The following OSBPL8 variants were observed in gnomAD, a reference collection of about 807,000 sequenced individuals.
OSBPL8 encodes oxysterol binding protein like 8.
A neutral mutation model predicts 125.5 loss-of-function variants in OSBPL8; 59 were observed. That is an observed-to-expected ratio of 0.47 (90% CI 0.38 to 0.58). The LOEUF (loss-of-function observed/expected upper bound fraction) is 0.58, where lower values mean the gene tolerates loss of function less well. Ranked by LOEUF, OSBPL8 falls within the 20% of genes least tolerant of loss-of-function variation. The pLI, the probability that OSBPL8 is intolerant of heterozygous loss-of-function variation, is 0.00. For missense variants in OSBPL8, 758 were observed against 1,047.8 expected, an observed-to-expected ratio of 0.72 and a Z score of 3.82; for synonymous variants, 330 against 338.9, an observed-to-expected ratio of 0.97 and a Z score of 0.29.
At chr12:76,358,089 A>G (rs1164162391) in intron 22 of OSBPL8, among the ~76,000 whole-genome samples, 1 of 151,994 alleles carries the variant, frequency 6.6e-6, no homozygotes, top group East Asian at 1.9e-4. Context: ...AGCTCAAAAA[A>G]TGCTTCTGAA....
chr12:76,415,498 T>TTGGCCCTTA (rs1868530010), intron 4 of OSBPL8, among the ~76,000 whole-genome samples: 1 of 152,226 alleles, frequency 6.6e-6, no homozygotes, highest in Admixed American at 6.5e-5. Flanking sequence ...TCCACCCGCC[T>TTGGCCCTTA]TGGCCTCCTA....
chr12:76,373,442 C>A lies in OSBPL8; in HGVS notation c.1828-9G>T. ...CTACTCCCTAGGAATGGCTTTTAAA[C>A]GAGAAAATGTTAAACATTTTACTTT... On this transcript the variant is annotated splice_polypyrimidine_tract_variant and intron_variant, in intron 17 of 23. Coordinates refer to ENST00000261183, the MANE Select transcript of OSBPL8 (RefSeq NM_020841.5). 6.4e-7 allele frequency: 1 copy of A among 1,556,234 alleles called. No homozygotes were observed. The highest frequency in any genetic ancestry group is 8.8e-7 in the Non-Finnish European group (1 of 1,139,244).
Position 76,369,814 on chromosome 12 carries a change from T to C in OSBPL8, c.2063A>G (p.Gln688Arg). Residue 688 changes from glutamine to arginine, a missense_variant, in exon 20 of 24, where the codon CAA becomes CGA. This residue lies in a region of OSBPL8 where 572 missense variants were observed against 762.0 expected (regional missense o/e 0.75). Transcript: ENST00000261183. ...GGCATTTATGGCTCGAGTTACCCGTTGCCAGAGTCTAATACATGTGCGAAA... is the reference window on the plus strand; with the variant it reads ...GGCATTTATGGCTCGAGTTACCCGTCGCCAGAGTCTAATACATGTGCGAAA... ...QGDFESEKLW[Q>R]RVTRAINAKD... 1 of 1,612,596 alleles carries C rather than the reference T, an allele frequency of 6.2e-7. No homozygotes were observed. Among genetic ancestry groups the C allele is most frequent in the Non-Finnish European group, 8.5e-7 (1 of 1,179,256 alleles).
At chr12:76,407,111 A>T (rs915311856) in intron 5 of OSBPL8, among the ~76,000 whole-genome samples, 5 of 152,218 alleles carry the variant, frequency 3.3e-5, no homozygotes, top group Admixed American at 6.5e-5. Context: ...TCATGAAAGG[A>T]ATAATAAATC....
chr12:76,407,065 T>C (rs1954292001), intron 5 of OSBPL8, among the ~76,000 whole-genome samples: 1 of 152,200 alleles, frequency 6.6e-6, no homozygotes. Flanking sequence ...TGGGAAAAGT[T>C]AAAATTGTTT....
intron 2 of OSBPL8, among the ~76,000 whole-genome samples, chr12:76,465,172 T>C (rs190339196): frequency 3.8e-4 from 58 of 152,314 alleles, no homozygotes; most frequent in African/African-American, 1.2e-3. Flanking sequence ...TTATCTGGCC[T>C]GCCAAGCAGA....
chr12:76,369,913 A>T, intron 19 of OSBPL8, 91 bp from the exon 20 acceptor site: 1 of 1,204,570 alleles, frequency 8.3e-7, no homozygotes, highest in Non-Finnish European at 1.1e-6. Flanking sequence ...TGTAGAGAAA[A>T]TAATGCTCAC....
rs141119998 is a variant in OSBPL8, at chr12:76,392,691, T to C, written c.819A>G (p.Thr273=). The C allele has an allele frequency of 1.7e-4, 274 of 1,614,042 alleles. No individual in the cohort carries two copies. Among genetic ancestry groups the C allele is most frequent in the South Asian group, 2.2e-4 (20 of 91,080 alleles). ...ALKCSSLLKR[T]MIREGKEHDL... is the part of the protein sequence containing the mutation. The stretch of plus-strand genomic sequence containing the variant: ...CATGTTCCTTTCCTTCTCTGATCAT[T>C]GTACGTTTAAGAAGACTAGAACATT... The change falls in exon 10 of 24, where the codon ACA becomes ACG. Residue 273 remains threonine (T), a synonymous_variant. Coordinates refer to ENST00000261183, the MANE Select transcript of OSBPL8 (RefSeq NM_020841.5).
At position 76,478,732 on chromosome 12, in the gene OSBPL8, T is replaced by C. The variant is rs76082772; in HGVS notation, c.42+8778A>G. On this transcript the variant is annotated intron_variant, in intron 2 of 23. Transcript: ENST00000261183. The stretch of plus-strand genomic sequence containing the variant: ...ATTCACACTTAGGAAGTTCAAACAA[T>C]TACAAATATTTAAGTACTGCTAACA... 2.9e-3 allele frequency among the ~76,000 whole-genome samples: 446 copies of C among 152,194 alleles called. 2 individuals carry two copies. Among genetic ancestry groups the C allele is most frequent in the African/African-American group, 0.01 (427 of 41,524 alleles).
chr12:76,469,557 A>C (rs969891774), intron 2 of OSBPL8, among the ~76,000 whole-genome samples: 1 of 152,176 alleles, frequency 6.6e-6, no homozygotes, highest in African/African-American at 2.4e-5. Flanking sequence ...CCGTCTGCCC[A>C]ACAGATATGC....
chr12:76,499,350 C>CTATCTATCAATCATCT (rs71082312), intron 1 of OSBPL8, among the ~76,000 whole-genome samples: 1 of 107,480 alleles, frequency 9.3e-6, no homozygotes, highest in Non-Finnish European at 1.9e-5. Flanking sequence ...ATCTATCTAT[C>CTATCTATCAATCATCT]ATCTATCTAT....
chr12:76,432,919 A>C, intron 4 of OSBPL8, among the ~76,000 whole-genome samples: 1 of 152,188 alleles, frequency 6.6e-6, no homozygotes, highest in East Asian at 1.9e-4. Flanking sequence ...CTATGGTCAA[A>C]TGGCATGCAA....
chr12:76,466,274 G>GA (rs1413293505), intron 2 of OSBPL8, among the ~76,000 whole-genome samples: 2 of 151,810 alleles, frequency 1.3e-5, no homozygotes, highest in Middle Eastern at 3.4e-3. Context: ...TTTACATTTT[G>GA]AAAAAAATAT....
chr12:76,431,922 A>C (rs2140488), intron 4 of OSBPL8, among the ~76,000 whole-genome samples: 3,150 of 152,290 alleles, frequency 0.021, 116 homozygotes, highest in African/African-American at 0.071. Context: ...ACAGCAGAAG[A>C]ATACATGTTC....
chr12:76,548,630 G>C (rs1182612605), intron 1 of OSBPL8, among the ~76,000 whole-genome samples: 6 of 151,814 alleles, frequency 4.0e-5, no homozygotes, highest in Non-Finnish European at 8.8e-5. Flanking sequence ...CATTTAAAGG[G>C]CCCATACATA....
At chr12:76,429,411 A>C (rs2136559549) in intron 4 of OSBPL8, among the ~76,000 whole-genome samples, 1 of 152,092 alleles carries the variant, frequency 6.6e-6, no homozygotes, top group South Asian at 2.1e-4. Context: ...ATGAATGAGT[A>C]CATGTTCATT....
chr12:76,513,088 TC>T (rs1881168219), intron 1 of OSBPL8, among the ~76,000 whole-genome samples: 1 of 152,264 alleles, frequency 6.6e-6, no homozygotes, highest in Non-Finnish European at 1.5e-5. Context: ...TGTTTAATTT[TC>T]ATGTAATTGC....
chr12:76,430,068 C>T (rs541681619), intron 4 of OSBPL8, among the ~76,000 whole-genome samples: 1 of 152,260 alleles, frequency 6.6e-6, no homozygotes, highest in East Asian at 1.9e-4. Flanking sequence ...GACCCAGCTC[C>T]AGCCCCACTC....
At chr12:76,546,066 C>T (rs1430817963) in intron 1 of OSBPL8, among the ~76,000 whole-genome samples, 2 of 152,090 alleles carry the variant, frequency 1.3e-5, no homozygotes, top group Non-Finnish European at 2.9e-5. Context: ...ATTTACAATA[C>T]GCAGGTTCCG....
Sources: gnomAD v4.1 joint callset for allele counts (sites outside exome capture counted in the v4.1 genomes callset) on GRCh38, gnomAD v4.1.1 for gene constraint, gnomAD v4.1.1 regional missense constraint, MANE v1.5 for transcripts, NCBI Gene and HGNC (gene_info 2026-07-23, HGNC 2026-07-21) for gene names.